CNOT3: variants seen among roughly 807,000 people sequenced by gnomAD.
The protein encoded by CNOT3 is CCR4-NOT transcription complex subunit 3.
CNOT3 carries 2 observed loss-of-function variants against 89.4 expected under a neutral mutation model. The observed-to-expected ratio is 0.02, with a 90% CI of 0.01 to 0.07. The LOEUF is 0.07. CNOT3 is among the 10% of genes least tolerant of loss of function. The probability of loss-of-function intolerance (pLI) is 1.00; values close to 1 mark genes in which losing one functional copy is unlikely to be tolerated. For missense variants in CNOT3, 664 were observed against 1,010.2 expected, an observed-to-expected ratio of 0.66 and a Z score of 4.65; for synonymous variants, 486 against 402.0, an observed-to-expected ratio of 1.21 and a Z score of -2.50.
Position 54,153,573 on chromosome 19 carries a change from C to G in CNOT3, c.2038-142C>G, listed in dbSNP as rs1568691706. 1.5e-5 allele frequency: 12 copies of G among 783,636 alleles called. No individual in the cohort carries two copies. The East Asian group carries it at 2.4e-4, about 16-fold the overall frequency. The allele number at this position is 783,636 out of a possible 1,614,324, so 48.5% of individuals were successfully genotyped here. On this transcript the variant is annotated intron_variant, in intron 16 of 17. Coordinates refer to ENST00000221232, the MANE Select transcript of CNOT3 (RefSeq NM_014516.4). Reference sequence around the variant, plus strand: ...GCATTGGTATGTTCTGTGCCCCCAGCCCCATCTCCAAGAGGATTGTCCAGC... The same window carrying G: ...GCATTGGTATGTTCTGTGCCCCCAGGCCCATCTCCAAGAGGATTGTCCAGC...
chr19:54,142,740 C>T, intron 1 of CNOT3, 189 bp from the exon 2 acceptor site: 2 of 596,398 alleles, frequency 3.4e-6, no homozygotes, highest in Non-Finnish European at 6.0e-6. Context: ...ATGGGGTCCC[C>T]TGTTGGCCAG....
At chr19:54,138,497 G>T (rs2074312331) in intron 1 of CNOT3, among the ~76,000 whole-genome samples, 2 of 152,108 alleles carry the variant, frequency 1.3e-5, no homozygotes, top group African/African-American at 4.8e-5. Context: ...CTCCCTCGAC[G>T]GTGGCGGGGA....
chr19:54,141,196 T>G (rs141879613), intron 1 of CNOT3, among the ~76,000 whole-genome samples: 19 of 152,342 alleles, frequency 1.2e-4, no homozygotes, highest in Non-Finnish European at 2.5e-4. Context: ...ATCCCCACTG[T>G]GGCACCTTCT....
Position 54,153,759 on chromosome 19 carries a change from G to A in CNOT3, c.2082G>A (p.Gln694=). Residue 694 remains glutamine (Q), a synonymous_variant, in exon 17 of 18, where the codon CAG becomes CAA. Coordinates refer to ENST00000221232, the MANE Select transcript of CNOT3 (RefSeq NM_014516.4). ...TGGCAGCCAAGGCCCTAAAGAAGCA[G>A]TCATGGCGATTCCACACCAAGTACA... ...QYLAAKALKK[Q]SWRFHTKYMM... is the part of the protein sequence containing the mutation. 1 of 1,614,148 alleles carries A rather than the reference G, an allele frequency of 6.2e-7. No homozygotes were observed. Among genetic ancestry groups the A allele is most frequent in the Non-Finnish European group, 8.5e-7 (1 of 1,179,990 alleles).
chr19:54,142,663 G>T, intron 1 of CNOT3: 1 of 561,252 alleles, frequency 1.8e-6, no homozygotes, highest in Non-Finnish European at 3.2e-6. Flanking sequence ...CATGCTCTAG[G>T]AATTTTCCAC....
rs746808824 is a variant in CNOT3, at chr19:54,148,438, T to TAGCGGAGGCGGAGGCGGCGGC, written c.1200_1220dup (p.Gly401_Gly407dup). On this transcript the variant is annotated inframe_insertion, in exon 11 of 18. Coordinates refer to ENST00000221232, the MANE Select transcript of CNOT3 (RefSeq NM_014516.4). This position sits in a 1 kb window ranked among gnomAD's most constrained non-coding sequence, Gnocchi z 6.3. ...AGCCCCGGCCCCCCAGCGTCCAGCC[T>TAGCGGAGGCGGAGGCGGCGGC]AGCGGAGGCGGAGGCGGCGGCAGCG... 4 of 1,569,328 alleles carry TAGCGGAGGCGGAGGCGGCGGC rather than the reference T, an allele frequency of 2.5e-6. No individual in the cohort carries two copies. The highest frequency in any genetic ancestry group is 2.4e-5 in the South Asian group (2 of 83,208).
intron 9 of CNOT3, among the ~76,000 whole-genome samples, chr19:54,146,246 G>A (rs1028184780): frequency 2.6e-5 from 4 of 152,188 alleles, no homozygotes; most frequent in African/African-American, 4.8e-5. Flanking sequence ...GGTGCATCCC[G>A]CGCCAGTTTA....
At position 54,152,681 on chromosome 19, in the gene CNOT3, C is replaced by T. The variant is rs587732135; in HGVS notation, c.1904+55C>T. 5 of 1,447,008 alleles carry T rather than the reference C, an allele frequency of 3.5e-6. No individual in the cohort carries two copies. In the African/African-American group the frequency reaches 5.6e-5, roughly 16 times the overall value. 89.6% of individuals were successfully genotyped at this position (1,447,008 alleles called of 1,614,324 possible). ...TGGGACTTGAGTCTTACGGAGGAGGCAGTGGCTGAACCTGTGAGGCTGTGG... is the reference window on the plus strand; with the variant it reads ...TGGGACTTGAGTCTTACGGAGGAGGTAGTGGCTGAACCTGTGAGGCTGTGG... On this transcript the variant is annotated intron_variant, in intron 15 of 17. Transcript: ENST00000221232.
rs758824714 is a variant in CNOT3, at chr19:54,149,616, G to C, written c.1463G>C (p.Gly488Ala). The C allele has an allele frequency of 1.2e-6, 2 of 1,613,180 alleles. No homozygotes were observed. The highest frequency in any genetic ancestry group is 2.2e-5 in the South Asian group (2 of 90,930). ...GCTGGGGGCGTGGCCCCAGGCTCAGGGAACAACTCAGGGGGACCCAGCCTC... is the reference window on the plus strand; with the variant it reads ...GCTGGGGGCGTGGCCCCAGGCTCAGCGAACAACTCAGGGGGACCCAGCCTC... ...TGAGGVAPGS[G>A]NNSGGPSLLV... is the part of the protein sequence containing the mutation. The change falls in exon 13 of 18, where the codon GGG becomes GCG. Residue 488 changes from glycine to alanine, a missense_variant. By Grantham distance (60) the Gly-to-Ala change is moderately conservative. Around this residue, in one of 8 missense-constraint regions of CNOT3, gnomAD observed 545 missense variants for 566.2 expected, o/e 0.96. Coordinates refer to ENST00000221232, the MANE Select transcript of CNOT3 (RefSeq NM_014516.4).
rs142889549 is a variant in CNOT3, at chr19:54,152,981, C to T, written c.2019C>T (p.Phe673=). ...GCCTGTCGACCGAGACACTCTTCTT[C>T]ATCTTCTACTATCTGGAGGTACAGC... The part of the protein sequence containing the change: ...YQRLSTETLF[F]IFYYLEGTKA... Residue 673 remains phenylalanine (F), a synonymous_variant, in exon 16 of 18, where the codon TTC becomes TTT. Transcript: ENST00000221232. 1.6e-5 allele frequency: 26 copies of T among 1,607,986 alleles called. No individual in the cohort carries two copies. Among genetic ancestry groups the T allele is most frequent in the Non-Finnish European group, 2.2e-5 (26 of 1,175,280 alleles).
chr19:54,143,639 T>A, intron 4 of CNOT3, 21 bp from the exon 5 acceptor site: 4 of 1,613,460 alleles, frequency 2.5e-6, no homozygotes, highest in Non-Finnish European at 3.4e-6. Context: ...GGTCTGACTT[T>A]CTTGCTTTTC....
chr19:54,147,852 C>T (rs1432207527), intron 10 of CNOT3, among the ~76,000 whole-genome samples: 3 of 152,210 alleles, frequency 2.0e-5, no homozygotes, highest in Non-Finnish European at 4.4e-5. Context: ...TGGATCTTCT[C>T]TGGCTGACAA....
chr19:54,147,786 A>C (rs1350548615), intron 10 of CNOT3, among the ~76,000 whole-genome samples: 1 of 152,186 alleles, frequency 6.6e-6, no homozygotes, highest in East Asian at 1.9e-4. Flanking sequence ...GGCTCCAGCT[A>C]ATCTCATATT....
At chr19:54,153,619 G>T in intron 16 of CNOT3, 96 bp from the exon 17 acceptor site, 2 of 916,414 alleles carry the variant, frequency 2.2e-6, no homozygotes, top group South Asian at 2.6e-5. Flanking sequence ...TCTGTGGCGG[G>T]GGCCGGGGTT....
chr19:54,146,188 A>G, intron 9 of CNOT3, 145 bp downstream of exon 9: 1 of 852,768 alleles, frequency 1.2e-6, no homozygotes, highest in Non-Finnish European at 1.8e-6. Flanking sequence ...CTTGGAGCAC[A>G]CGCTAAGGTC....
intron 13 of CNOT3, among the ~76,000 whole-genome samples, chr19:54,150,407 A>G (rs1179986458): frequency 6.6e-6 from 1 of 152,110 alleles, no homozygotes; most frequent in Non-Finnish European, 1.5e-5. Context: ...GAGAGGAGAG[A>G]GGTGTCCACT....
rs1422040889 is a variant in CNOT3, at chr19:54,143,101, T to C, written c.26-18T>C. 1.2e-6 allele frequency: 2 copies of C among 1,613,830 alleles called. No individual in the cohort carries two copies. The highest frequency in any genetic ancestry group is 1.7e-6 in the Non-Finnish European group (2 of 1,179,812). ...CCACCTGGGCAGGATTCTCACAGCC[T>C]TGTTCCTCCCTGGCCAGGTGAGATT... On this transcript the variant is annotated intron_variant, in intron 2 of 17. Coordinates refer to ENST00000221232, the MANE Select transcript of CNOT3 (RefSeq NM_014516.4).
chr19:54,147,714 G>T (rs1370829146), intron 10 of CNOT3, among the ~76,000 whole-genome samples: 1 of 152,188 alleles, frequency 6.6e-6, no homozygotes, highest in Non-Finnish European at 1.5e-5. Flanking sequence ...GACCCTTCAG[G>T]TGACATTCAG....
At chr19:54,140,638 A>C (rs2074411778) in intron 1 of CNOT3, among the ~76,000 whole-genome samples, 1 of 152,134 alleles carries the variant, frequency 6.6e-6, no homozygotes. Context: ...CTAGGGGACA[A>C]GTACCCTGGG....
Sources: allele counts gnomAD v4.1 joint callset (sites outside exome capture counted in the v4.1 genomes callset), GRCh38; gene constraint gnomAD v4.1.1; regional missense constraint gnomAD v4.1.1; non-coding constraint Gnocchi (gnomAD v3.1); transcripts MANE v1.5; gene names NCBI Gene and HGNC (gene_info 2026-07-23, HGNC 2026-07-21).